Variants in ENTPD1 observed in about 807,000 individuals in gnomAD.
ENTPD1 encodes ATP diphosphohydrolase.
In ENTPD1, 33 loss-of-function variants were observed where a neutral mutation model predicts 57.0. The observed-to-expected ratio is 0.58, with a 90% CI of 0.44 to 0.77. The LOEUF is 0.77. ENTPD1 is among the 30% of genes least tolerant of loss of function. ENTPD1 has a pLI of 0.00. For missense variants in ENTPD1, 501 were observed against 603.4 expected (o/e 0.83, Z 1.78); for synonymous variants, 202 against 218.8 (o/e 0.92, Z 0.68).
intron 1 of ENTPD1, among the ~76,000 whole-genome samples, chr10:95,798,579 T>TG (rs907443748): frequency 6.6e-6 from 1 of 152,212 alleles, no homozygotes; most frequent in Admixed American, 6.5e-5. Flanking sequence ...TCCCTAAAGA[T>TG]GGGACAAGCC....
Position 95,876,887 on chromosome 10 carries a change from A to C in ENTPD1, c.*10504A>C, listed in dbSNP as rs2098486278. On this transcript the variant is annotated 3_prime_UTR_variant, in exon 10 of 10. Coordinates refer to ENST00000371205, the MANE Select transcript of ENTPD1 (RefSeq NM_001776.6). Reference sequence around the variant, plus strand: ...AATAAAAGAAGAAATGAGCACATACATTCTTTTACTGACAGTCAAATGGTG... The same window carrying C: ...AATAAAAGAAGAAATGAGCACATACCTTCTTTTACTGACAGTCAAATGGTG... Among the ~76,000 whole-genome samples the C allele has an allele frequency of 6.6e-6, 1 of 152,230 alleles. No individual in the cohort carries two copies. The highest frequency in any genetic ancestry group is 2.4e-5 in the African/African-American group (1 of 41,462).
At chr10:95,776,112 T>C (rs920988386) in intron 1 of ENTPD1, among the ~76,000 whole-genome samples, 2 of 152,238 alleles carry the variant, frequency 1.3e-5, no homozygotes, top group African/African-American at 4.8e-5. Flanking sequence ...TCTGTGTCTT[T>C]TAATTGGAGC....
At chr10:95,703,704 C>CCA in the ENTPD1 span, among the ~76,000 whole-genome samples, 1 of 146,960 alleles carries the variant, frequency 6.8e-6, no homozygotes, top group African/African-American at 2.5e-5. Context: ...ATCACTTGAA[C>CCA]CCAGGAGGCA....
At chr10:95,720,884 G>T (rs149161376) in intron 1 of ENTPD1, among the ~76,000 whole-genome samples, 1 of 152,092 alleles carries the variant, frequency 6.6e-6, no homozygotes, top group African/African-American at 2.4e-5. Flanking sequence ...TCCAAAGTCC[G>T]CTTGCCTGAG....
chr10:95,860,430 G>C, intron 7 of ENTPD1, 39 bp from the exon 8 acceptor site: 1 of 1,563,418 alleles, frequency 6.4e-7, no homozygotes, highest in Non-Finnish European at 8.8e-7. Context: ...GCATCCCTCT[G>C]TGTGGAACAC....
At position 95,788,366 on chromosome 10, in the gene ENTPD1, C is replaced by T. The variant is rs541184401; in HGVS notation, c.16+32111C>T. Among the ~76,000 whole-genome samples, 105 of 152,092 alleles carry T rather than the reference C, an allele frequency of 6.9e-4. 1 individual carries two copies. The highest frequency in any genetic ancestry group is 2.4e-3 in the African/African-American group (100 of 41,484). On this transcript the variant is annotated intron_variant, in intron 1 of 9. Transcript: ENST00000371205. ...GGCATAGTGGCTCACGCCTGTAATC[C>T]CAGCACTTTGGGAGGCTGAGTTGGG...
chr10:95,824,469 ACAGCAGTC>A (rs1328464197), intron 2 of ENTPD1, among the ~76,000 whole-genome samples: 1 of 152,234 alleles, frequency 6.6e-6, no homozygotes, highest in African/African-American at 2.4e-5. Flanking sequence ...GGTGCTGTGT[ACAGCAGTC>A]CCTTTGTCAA....
chr10:95,822,294 G>A (rs1010933531), intron 1 of ENTPD1, among the ~76,000 whole-genome samples: 10 of 151,260 alleles, frequency 6.6e-5, no homozygotes, highest in Non-Finnish European at 2.9e-5. Context: ...CACGGCACCC[G>A]TTTTTGGTTA....
intron 1 of ENTPD1, among the ~76,000 whole-genome samples, chr10:95,736,402 C>T (rs1287258023): frequency 6.6e-6 from 1 of 152,028 alleles, no homozygotes; most frequent in African/African-American, 2.4e-5. Flanking sequence ...TCTAGCTAAC[C>T]TTTTCCCCTA....
intron 1 of ENTPD1, among the ~76,000 whole-genome samples, chr10:95,757,452 T>TA: frequency 6.6e-6 from 1 of 152,248 alleles, no homozygotes; most frequent in Admixed American, 6.5e-5. Flanking sequence ...ACTGTTTCTC[T>TA]GCTTTTTCTG....
chr10:95,755,609 C>A, upstream of ENTPD1: 1 of 1,323,806 alleles, frequency 7.6e-7, no homozygotes, highest in South Asian at 1.3e-5. Flanking sequence ...GCCTTCCAAC[C>A]AATAACGCAG....
intron 1 of ENTPD1, among the ~76,000 whole-genome samples, chr10:95,730,272 C>T (rs529158240): frequency 2.7e-5 from 4 of 150,788 alleles, no homozygotes; most frequent in African/African-American, 9.7e-5. Context: ...CCAGGCTGTT[C>T]TCAAACTCCT....
chr10:95,791,488 C>T lies in ENTPD1; in HGVS notation c.17-31749C>T, dbSNP rs1045583777. The stretch of plus-strand genomic sequence containing the variant: ...CAAATTCTAATTTGCTTTGTAGCTT[C>T]GAGCTGGGATCAGAGAGTGGAAGTT... On this transcript the variant is annotated intron_variant, in intron 1 of 9. Coordinates refer to ENST00000371205, the MANE Select transcript of ENTPD1 (RefSeq NM_001776.6). This position sits in a 1 kb window ranked among gnomAD's most constrained non-coding sequence, Gnocchi z 4.1. 6.6e-6 allele frequency among the ~76,000 whole-genome samples: 1 copy of T among 152,116 alleles called. No homozygotes were observed. Among genetic ancestry groups the T allele is most frequent in the Admixed American group, 6.6e-5 (1 of 15,260 alleles).
At chr10:95,700,287 A>T in the ENTPD1 span, among the ~76,000 whole-genome samples, 1 of 149,170 alleles carries the variant, frequency 6.7e-6, no homozygotes, top group Admixed American at 6.7e-5. Context: ...AGATAAATAA[A>T]TAGAAAATAT....
rs1023496879 is a variant in ENTPD1 at position 95,876,700 on chromosome 10, G to C, written c.*10317G>C. On this transcript the variant is annotated 3_prime_UTR_variant, in exon 10 of 10. Transcript: ENST00000371205. Reference sequence around the variant, plus strand: ...AAACAAGTTATTTTAAAACTTATTGGAATATTCAAATATTAACCAAAGTAG... The same window carrying C: ...AAACAAGTTATTTTAAAACTTATTGCAATATTCAAATATTAACCAAAGTAG... 1.0e-5 allele frequency: 12 copies of C among 1,186,368 alleles called. No homozygotes were observed. The highest frequency in any genetic ancestry group is 1.3e-5 in the Non-Finnish European group (12 of 952,500). 73.5% of individuals were successfully genotyped at this position (1,186,368 alleles called of 1,614,324 possible).
chr10:95,788,768 G>T (rs1482402018), intron 1 of ENTPD1, among the ~76,000 whole-genome samples: 2 of 152,188 alleles, frequency 1.3e-5, no homozygotes, highest in South Asian at 2.1e-4. Flanking sequence ...GAGGAGGCGA[G>T]AAAGTATGGG....
At chr10:95,832,265 G>A (rs2098398854) in intron 2 of ENTPD1, among the ~76,000 whole-genome samples, 1 of 152,082 alleles carries the variant, frequency 6.6e-6, no homozygotes, top group Admixed American at 6.5e-5. Context: ...CTTACCCTCA[G>A]AGCCTTCTCA....
Position 95,727,743 on chromosome 10 carries a change from C to T in ENTPD1, c.37+15750C>T, listed in dbSNP as rs181481598. Reference sequence around the variant, plus strand: ...TGTTTAAAAAAATTTAAGATGTCAGCAGGCAAGTGATAGAGGTTGTTTAAT... The same window carrying T: ...TGTTTAAAAAAATTTAAGATGTCAGTAGGCAAGTGATAGAGGTTGTTTAAT... On this transcript the variant is annotated intron_variant, in intron 1 of 9. Coordinates refer to the ENTPD1 transcript ENST00000453258. Among the ~76,000 whole-genome samples the T allele has an allele frequency of 3.3e-5, 5 of 152,270 alleles. No individual in the cohort carries two copies. In the East Asian group the frequency reaches 9.6e-4, roughly 29 times the overall value.
the ENTPD1 span, among the ~76,000 whole-genome samples, chr10:95,701,594 G>A: frequency 3.3e-5 from 5 of 152,052 alleles, no homozygotes; most frequent in African/African-American, 1.2e-4. Flanking sequence ...ATCTATAGAT[G>A]GTGTAGAACT....
Sources: allele counts gnomAD v4.1 joint callset (sites outside exome capture counted in the v4.1 genomes callset), GRCh38; gene constraint gnomAD v4.1.1; non-coding constraint Gnocchi (gnomAD v3.1); transcripts MANE v1.5; gene names NCBI Gene and HGNC (gene_info 2026-07-23, HGNC 2026-07-21).